INPP5A: variants seen among roughly 807,000 people sequenced by gnomAD.
INPP5A encodes the protein inositol polyphosphate-5-phosphatase A.
In INPP5A, 14 loss-of-function variants were observed where a neutral mutation model predicts 65.2. That is an observed-to-expected ratio of 0.21 (90% CI 0.14 to 0.34). INPP5A has a LOEUF of 0.34. INPP5A is among the 10% of genes least tolerant of loss of function. The pLI, the probability that INPP5A is intolerant of heterozygous loss-of-function variation, is 1.00. For synonymous variants in INPP5A, 207 were observed against 208.3 expected (o/e 0.99, Z 0.05); for missense variants, 431 against 545.6 (o/e 0.79, Z 2.09).
intron 4 of INPP5A, among the ~76,000 whole-genome samples, chr10:132,682,970 G>C (rs879714893): frequency 6.6e-6 from 1 of 151,178 alleles, no homozygotes; most frequent in Non-Finnish European, 1.5e-5. Context: ...ATATACATAT[G>C]TACGCACATT....
intron 8 of INPP5A, among the ~76,000 whole-genome samples, chr10:132,717,334 C>T (rs919668856): frequency 6.8e-6 from 1 of 146,790 alleles, no homozygotes; most frequent in Non-Finnish European, 1.5e-5. Flanking sequence ...AGTCAGGGGG[C>T]CTTTGGGTGC....
intron 5 of INPP5A, among the ~76,000 whole-genome samples, chr10:132,693,698 GA>G (rs1180058427): frequency 2.0e-5 from 3 of 151,892 alleles, no homozygotes; most frequent in Non-Finnish European, 2.9e-5. Context: ...GCCAGACTAA[GA>G]AAAAAAATGA....
chr10:132,675,301 C>T lies in INPP5A; in HGVS notation c.307-15091C>T, dbSNP rs770901701. Reference sequence around the variant, plus strand: ...GGAAATGTCAGCATAGGGTCTTACCCGGCAAAACATCTCCTAAGATTGAAG... The same window carrying T: ...GGAAATGTCAGCATAGGGTCTTACCTGGCAAAACATCTCCTAAGATTGAAG... On this transcript the variant is annotated intron_variant, in intron 4 of 15. Transcript: ENST00000368594. The surrounding 1 kb of genome is among the most constrained non-coding windows in gnomAD (Gnocchi z 4.2). Among the ~76,000 whole-genome samples, 20 of 152,270 alleles carry T rather than the reference C, an allele frequency of 1.3e-4. No individual in the cohort carries two copies. The highest frequency in any genetic ancestry group is 3.4e-3 in the Middle Eastern group (1 of 294).
intron 4 of INPP5A, among the ~76,000 whole-genome samples, chr10:132,673,349 G>A (rs186717208): frequency 4.5e-4 from 69 of 152,254 alleles, no homozygotes; most frequent in Admixed American, 2.1e-3. Flanking sequence ...ATGGTGAGTG[G>A]TGCCACTTCC....
intron 13 of INPP5A, among the ~76,000 whole-genome samples, chr10:132,780,453 C>T (rs1847140598): frequency 6.6e-6 from 1 of 152,268 alleles, no homozygotes; most frequent in African/African-American, 2.4e-5. Context: ...AGGAGCACAC[C>T]TGCACAGAAA....
rs2071049093 is a variant in INPP5A at position 132,551,532 on chromosome 10, A to G, written c.75+13361A>G. ...TCTCAGAGGAGCTGGTTCTCTTGAG[A>G]AAGACATCTGTCCAAGTAGCACACA... On this transcript the variant is annotated intron_variant, in intron 1 of 15. Coordinates refer to ENST00000368594, the MANE Select transcript of INPP5A (RefSeq NM_005539.5). The surrounding 1 kb of genome is among the most constrained non-coding windows in gnomAD (Gnocchi z 5.3). Among the ~76,000 whole-genome samples the G allele has an allele frequency of 6.6e-6, 1 of 152,196 alleles. No individual in the cohort carries two copies. The highest frequency in any genetic ancestry group is 1.5e-5 in the Non-Finnish European group (1 of 68,032).
At chr10:132,634,888 C>T (rs1564943022) in intron 2 of INPP5A, among the ~76,000 whole-genome samples, 1 of 152,224 alleles carries the variant, frequency 6.6e-6, no homozygotes, top group Non-Finnish European at 1.5e-5. Context: ...TTCCTGTTTG[C>T]TCTCTGTCTG....
intron 1 of INPP5A, among the ~76,000 whole-genome samples, chr10:132,605,593 G>A (rs1344359468): frequency 6.6e-6 from 1 of 151,956 alleles, no homozygotes; most frequent in Non-Finnish European, 1.5e-5. Context: ...TGGTGGGATG[G>A]TGGGATGGGG....
Position 132,676,957 on chromosome 10 carries a change from C to T in INPP5A, c.307-13435C>T, listed in dbSNP as rs1484679518. Among the ~76,000 whole-genome samples the T allele has an allele frequency of 5.3e-5, 8 of 150,450 alleles. No individual in the cohort carries two copies. The highest frequency in any genetic ancestry group is 8.9e-5 in the Non-Finnish European group (6 of 67,506). ...AGGCATCTGTCCTCAACTGCAGACC[C>T]ACAGGTATTCACATGGTGACCCCCA... On this transcript the variant is annotated intron_variant, in intron 4 of 15. Coordinates refer to ENST00000368594, the MANE Select transcript of INPP5A (RefSeq NM_005539.5). The surrounding 1 kb of genome is among the most constrained non-coding windows in gnomAD (Gnocchi z 4.0).
intron 2 of INPP5A, among the ~76,000 whole-genome samples, chr10:132,632,962 A>G (rs2072294179): frequency 6.6e-6 from 1 of 152,204 alleles, no homozygotes; most frequent in South Asian, 2.1e-4. Context: ...GGGCAGTCCC[A>G]GGGCCTCGCC....
intron 2 of INPP5A, among the ~76,000 whole-genome samples, chr10:132,624,961 C>T (rs2072162364): frequency 6.6e-6 from 1 of 152,150 alleles, no homozygotes; most frequent in African/African-American, 2.4e-5. Context: ...CCCTCAGAGG[C>T]TCCCTGGCAT....
intron 3 of INPP5A, among the ~76,000 whole-genome samples, chr10:132,649,081 T>A (rs543362785): frequency 1.3e-5 from 2 of 152,242 alleles, no homozygotes; most frequent in African/African-American, 4.8e-5. Flanking sequence ...TCATTTTCCC[T>A]GTGTTTCGGT....
In INPP5A at chr10:132,582,915, A is replaced by G. The variant is rs969829902; in HGVS notation, c.76-25000A>G. On this transcript the variant is annotated intron_variant, in intron 1 of 15. Coordinates refer to ENST00000368594, the MANE Select transcript of INPP5A (RefSeq NM_005539.5). ...TTGCAGAGGCTGCTTTGGATATTCC[A>G]GGCCTGTTGCATTCCGACATAGATG... Among the ~76,000 whole-genome samples the G allele has an allele frequency of 5.9e-5, 9 of 152,350 alleles. No homozygotes were observed. The East Asian group carries it at 1.5e-3, about 26-fold the overall frequency.
At position 132,676,260 on chromosome 10, in the gene INPP5A, T is replaced by C. The variant is rs1179656440; in HGVS notation, c.307-14132T>C. Among the ~76,000 whole-genome samples, 5 of 152,202 alleles carry C rather than the reference T, an allele frequency of 3.3e-5. No individual in the cohort carries two copies. Among genetic ancestry groups the C allele is most frequent in the African/African-American group, 1.2e-4 (5 of 41,450 alleles). On this transcript the variant is annotated intron_variant, in intron 4 of 15. Transcript: ENST00000368594. The surrounding 1 kb of genome is among the most constrained non-coding windows in gnomAD (Gnocchi z 4.0). Reference sequence around the variant, plus strand: ...CTAGGTGATACAGGTTTAAAATGACTGGTAGGCACCCACAGGGAAACTAGG... The same window carrying C: ...CTAGGTGATACAGGTTTAAAATGACCGGTAGGCACCCACAGGGAAACTAGG...
intron 8 of INPP5A, among the ~76,000 whole-genome samples, chr10:132,714,665 G>T (rs891712200): frequency 6.6e-6 from 1 of 152,114 alleles, no homozygotes; most frequent in Non-Finnish European, 1.5e-5. Flanking sequence ...CAGAGGCACC[G>T]TAGGACCTTC....
Position 132,749,802 on chromosome 10 carries a change from A to G in INPP5A, c.860A>G (p.Asp287Gly). ...VMLQLEKKLF[D>G]YFNQEVFRDN... ...CTCCAGTTAGAAAAGAAACTCTTCGACTACTTCAACCAGGAGGTTTTCCGA... is the reference window on the plus strand; with the variant it reads ...CTCCAGTTAGAAAAGAAACTCTTCGGCTACTTCAACCAGGAGGTTTTCCGA... Residue 287 changes from aspartate (D) to glycine (G), a missense_variant, in exon 11 of 16, where the codon GAC becomes GGC. Physicochemically the swap from Asp to Gly is moderately conservative, Grantham distance 94. Coordinates refer to ENST00000368594, the MANE Select transcript of INPP5A (RefSeq NM_005539.5). The G allele has an allele frequency of 6.2e-7, 1 of 1,613,254 alleles. No homozygotes were observed. Among genetic ancestry groups the G allele is most frequent in the Non-Finnish European group, 8.5e-7 (1 of 1,180,010 alleles).
intron 1 of INPP5A, among the ~76,000 whole-genome samples, chr10:132,579,448 T>C (rs2071453581): frequency 6.6e-6 from 1 of 151,726 alleles, no homozygotes; most frequent in African/African-American, 2.4e-5. Context: ...GGTGTGGGAT[T>C]GTGCAGGGCA....
rs1186327776 is a variant in INPP5A, at chr10:132,575,037, G to C, written c.76-32878G>C. Among the ~76,000 whole-genome samples the C allele has an allele frequency of 4.6e-5, 7 of 152,170 alleles. No homozygotes were observed. The highest frequency in any genetic ancestry group is 1.7e-4 in the African/African-American group (7 of 41,420). On this transcript the variant is annotated intron_variant, in intron 1 of 15. Coordinates refer to ENST00000368594, the MANE Select transcript of INPP5A (RefSeq NM_005539.5). The surrounding 1 kb of genome is among the most constrained non-coding windows in gnomAD (Gnocchi z 5.4). ...CACACCTCAGCATATGGTCTGCGGA[G>C]TCCTCCCGGGGGCTCCGGATTCGGG...
At chr10:132,601,697 G>A (rs533801889) in intron 1 of INPP5A, among the ~76,000 whole-genome samples, 11 of 152,220 alleles carry the variant, frequency 7.2e-5, no homozygotes, top group Admixed American at 3.9e-4. Flanking sequence ...TCATTCTTTT[G>A]CATGCGGTTA....
Sources: gnomAD v4.1 joint callset for allele counts (sites outside exome capture counted in the v4.1 genomes callset) on GRCh38, gnomAD v4.1.1 for gene constraint, Gnocchi (gnomAD v3.1) non-coding constraint, MANE v1.5 for transcripts, NCBI Gene and HGNC (gene_info 2026-07-23, HGNC 2026-07-21) for gene names.